The following SS18 variants were observed in gnomAD, a reference collection of about 807,000 sequenced individuals.
The protein encoded by SS18 is SS18 subunit of BAF chromatin remodeling complex.
SS18 carries 28 observed loss-of-function variants against 72.5 expected under a neutral mutation model. The observed-to-expected ratio is 0.39, with a 90% confidence interval of 0.29 to 0.53. The LOEUF (loss-of-function observed/expected upper bound fraction) is 0.53, where lower values mean the gene tolerates loss of function less well. Among genes scored for constraint, SS18 ranks in the 20% least tolerant of loss-of-function variants. The pLI is 0.76. For missense variants in SS18, 518 were observed against 535.3 expected, an observed-to-expected ratio of 0.97 and a Z score of 0.32; for synonymous variants, 172 against 164.2, an observed-to-expected ratio of 1.05 and a Z score of -0.37.
intron 7 of SS18, among the ~76,000 whole-genome samples, chr18:26,037,349 T>A (rs2053643258): frequency 6.6e-6 from 1 of 152,026 alleles, no homozygotes; most frequent in African/African-American, 2.4e-5. Flanking sequence ...AATTAAAAAT[T>A]AAAAAATAGA....
intron 4 of SS18, among the ~76,000 whole-genome samples, chr18:26,056,693 T>C (rs552994214): frequency 4.6e-5 from 7 of 152,356 alleles, no homozygotes; most frequent in South Asian, 4.1e-4. Context: ...TTACTAATTT[T>C]AATAATTGTT....
At chr18:26,027,415 G>A (rs1196568149) in intron 10 of SS18, among the ~76,000 whole-genome samples, 1 of 152,040 alleles carries the variant, frequency 6.6e-6, no homozygotes, top group African/African-American at 2.4e-5. Flanking sequence ...CTAGGAGGCC[G>A]AAGCAGGCGG....
At chr18:26,057,844 A>G (rs2054051147) in intron 3 of SS18, 102 bp from the exon 4 acceptor site, 1 of 1,151,520 alleles carries the variant, frequency 8.7e-7, no homozygotes. Context: ...GTAAGAACAA[A>G]AACACAAATG....
chr18:26,032,461 ATCCTCC>A lies in SS18; in HGVS notation c.1162_1167del (p.Gly388_Gly389del), dbSNP rs764609036. On this transcript the variant is annotated inframe_deletion, in exon 10 of 11. Coordinates refer to ENST00000415083, the MANE Select transcript of SS18 (RefSeq NM_001007559.3). ...GGTGGTCCAGGCTGTGTTGGTCTAT[ATCCTCC>A]ATACTGCTGACCTTGTCCCTGTGGG... The A allele has an allele frequency of 4.3e-6, 7 of 1,613,778 alleles. No homozygotes were observed.
At chr18:26,081,646 A>T (rs1045274131) in intron 2 of SS18, among the ~76,000 whole-genome samples, 2 of 152,178 alleles carry the variant, frequency 1.3e-5, no homozygotes, top group African/African-American at 4.8e-5. Flanking sequence ...ACAATATTGA[A>T]ATGATAATAA....
chr18:26,019,898 T>A (rs150784901), intron 10 of SS18, among the ~76,000 whole-genome samples: 1 of 151,888 alleles, frequency 6.6e-6, no homozygotes, highest in South Asian at 2.1e-4. Context: ...GAAGGATTTA[T>A]GAGTAAAATG....
Position 26,057,706 on chromosome 18 carries a change from T to C in SS18, c.268A>G (p.Met90Val). 1 of 1,613,964 alleles carries C rather than the reference T, an allele frequency of 6.2e-7. No individual in the cohort carries two copies. Among genetic ancestry groups the C allele is most frequent in the Non-Finnish European group, 8.5e-7 (1 of 1,179,976 alleles). The change falls in exon 4 of 11, where the codon ATG (methionine) becomes GTG (valine). Residue 90 changes from methionine (M) to valine (V), a missense_variant. Coordinates refer to ENST00000415083, the MANE Select transcript of SS18 (RefSeq NM_001007559.3). ...TQNMPMGPGG[M>V]NQSGPPPPPR... ...GGTGGGGGAGGGCCGCTCTGATTCA[T>C]CCCTCCAGGACCCATAGGCATATTC...
chr18:26,030,176 TAAGAG>T (rs909093730), intron 10 of SS18, among the ~76,000 whole-genome samples: 2 of 152,216 alleles, frequency 1.3e-5, no homozygotes, highest in Non-Finnish European at 2.9e-5. Context: ...ATACGGCTTG[TAAGAG>T]CCTTCCTAAG....
At chr18:26,074,166 C>T (rs1049661645) in intron 3 of SS18, among the ~76,000 whole-genome samples, 3 of 152,058 alleles carry the variant, frequency 2.0e-5, no homozygotes, top group African/African-American at 7.2e-5. Context: ...TAAACTTATA[C>T]TTTCCAAATC....
chr18:26,081,926 C>G (rs1445595551), intron 2 of SS18, among the ~76,000 whole-genome samples: 2 of 151,968 alleles, frequency 1.3e-5, no homozygotes, highest in Non-Finnish European at 2.9e-5. Flanking sequence ...AGCATGGTGG[C>G]ACGCACCTGT....
Position 26,057,666 on chromosome 18 carries a change from T to A in SS18, c.308A>T (p.Asn103Ile). ...ACCTACCATTCCATCTGAAGGCATG[T>A]TGTGAGAGCGTGGAGGTGGGGGAGG... ...SGPPPPPRSH[N>I]MPSDGMVGGG... Residue 103 changes from asparagine to isoleucine, a missense_variant, in exon 4 of 11, where the codon AAC (asparagine) becomes ATC (isoleucine). By Grantham distance (149) the Asn-to-Ile change is moderately radical. Coordinates refer to ENST00000415083, the MANE Select transcript of SS18 (RefSeq NM_001007559.3). 6.2e-7 allele frequency: 1 copy of A among 1,614,074 alleles called. No homozygotes were observed.
chr18:26,070,497 G>T (rs1388328584), intron 3 of SS18, among the ~76,000 whole-genome samples: 1 of 152,220 alleles, frequency 6.6e-6, no homozygotes, highest in Non-Finnish European at 1.5e-5. Flanking sequence ...GTGAAGAGTA[G>T]TTCCCTTATA....
At chr18:26,078,445 T>G in intron 2 of SS18, 1 of 249,992 alleles carries the variant, frequency 4.0e-6, no homozygotes. Flanking sequence ...TTTTCTCCAT[T>G]TTACAGATGA....
chr18:26,044,786 G>T (rs946321836), intron 5 of SS18, among the ~76,000 whole-genome samples: 1 of 151,984 alleles, frequency 6.6e-6, no homozygotes, highest in African/African-American at 2.4e-5. Context: ...GGGGGGTAAA[G>T]GATCGAGATT....
At chr18:26,033,749 T>C (rs1015467818) in intron 9 of SS18, among the ~76,000 whole-genome samples, 1 of 151,976 alleles carries the variant, frequency 6.6e-6, no homozygotes, top group Non-Finnish European at 1.5e-5. Flanking sequence ...ATAAACAAAA[T>C]AGAAATTTCT....
At chr18:26,037,592 T>C (rs1010906945) in intron 7 of SS18, among the ~76,000 whole-genome samples, 3 of 152,134 alleles carry the variant, frequency 2.0e-5, no homozygotes, top group African/African-American at 7.2e-5. Flanking sequence ...GAGATGTTTT[T>C]TCAAATATCC....
intron 5 of SS18, among the ~76,000 whole-genome samples, chr18:26,040,509 T>C (rs527866217): frequency 6.6e-6 from 1 of 152,266 alleles, no homozygotes; most frequent in African/African-American, 2.4e-5. Flanking sequence ...GGCAAAGTAC[T>C]AGACAGCCTG....
intron 10 of SS18, among the ~76,000 whole-genome samples, chr18:26,026,661 A>G (rs2053451309): frequency 6.6e-6 from 1 of 152,054 alleles, no homozygotes; most frequent in South Asian, 2.1e-4. Flanking sequence ...GGGAAGGAAC[A>G]TGGGGGAGCA....
In SS18 at chr18:26,035,800, T is replaced by C. The variant is rs1460109077; in HGVS notation, c.973+31A>G. On this transcript the variant is annotated intron_variant, in intron 8 of 10. Coordinates refer to ENST00000415083, the MANE Select transcript of SS18 (RefSeq NM_001007559.3). This position sits in a 1 kb window ranked among gnomAD's most constrained non-coding sequence, Gnocchi z 4.4. ...TTTCATTCCTGTAGAAGGGGATATATATGTGTATGTGTGTGAAGGTATATA... is the reference window on the plus strand; with the variant it reads ...TTTCATTCCTGTAGAAGGGGATATACATGTGTATGTGTGTGAAGGTATATA... The C allele has an allele frequency of 4.9e-6, 7 of 1,434,350 alleles. No individual in the cohort carries two copies. Among genetic ancestry groups the C allele is most frequent in the Non-Finnish European group, 6.8e-6 (7 of 1,036,394 alleles). The allele number at this position is 1,434,350 out of a possible 1,614,324, so 88.9% of individuals were successfully genotyped here. A position where few individuals can be genotyped will look rare whatever the true frequency, so the allele number is the denominator to read the frequency against.
Sources: allele counts gnomAD v4.1 joint callset (sites outside exome capture counted in the v4.1 genomes callset), GRCh38; gene constraint gnomAD v4.1.1; non-coding constraint Gnocchi (gnomAD v3.1); transcripts MANE v1.5; gene names NCBI Gene and HGNC (gene_info 2026-07-23, HGNC 2026-07-21).